The following DENND4B variants were observed in gnomAD, a reference collection of about 807,000 sequenced individuals.
The protein encoded by DENND4B is DENN domain containing 4B, also known as DENN domain-containing protein 4B.
In DENND4B, 67 loss-of-function variants were observed where a neutral mutation model predicts 161.0. That is an observed-to-expected ratio of 0.42 (90% CI 0.34 to 0.51). The LOEUF is 0.51. DENND4B is among the 20% of genes least tolerant of loss of function. DENND4B has a pLI of 0.08. For synonymous variants in DENND4B, 753 were observed against 813.8 expected (o/e 0.93, Z 1.27); for missense variants, 1,481 against 1,968.0 (o/e 0.75, Z 4.68).
chr1:153,934,296 T>G lies in DENND4B; in HGVS notation c.2780A>C (p.Tyr927Ser), dbSNP rs1195076253. ...QEAGSSQAEP[Y>S]LERPSPTRPL... ...GCGAGTAGGGGAAGGGCGCTCCAAA[T>G]AGGGCTCTGTAAAAGACGAGAAGGG... is the stretch of plus-strand genomic sequence containing the variant. Residue 927 changes from tyrosine to serine, a missense_variant, in exon 19 of 28, where the codon TAT becomes TCT. This residue lies in a region of DENND4B where 339 missense variants were observed against 330.3 expected (regional missense o/e 1.03). Transcript: ENST00000361217. The surrounding 1 kb of genome is among the most constrained non-coding windows in gnomAD (Gnocchi z 5.3). 6.3e-7 allele frequency: 1 copy of G among 1,584,848 alleles called. No homozygotes were observed.
rs1397198879 is a variant in DENND4B, at chr1:153,946,662, C to A, written c.-385G>T. ...CAACCCCCGCTCCGGGCCGCGGGCG[C>A]CGCCGCTACCCCCACCCCTCCTCCT... On this transcript the variant is annotated 5_prime_UTR_variant, in exon 1 of 28. Transcript: ENST00000361217. This position sits in a 1 kb window ranked among gnomAD's most constrained non-coding sequence, Gnocchi z 6.3. 7 of 380,160 alleles carry A rather than the reference C, an allele frequency of 1.8e-5. No individual in the cohort carries two copies. Among genetic ancestry groups the A allele is most frequent in the Non-Finnish European group, 2.8e-5 (6 of 214,568 alleles). The allele number at this position is 380,160 out of a possible 1,614,324, so 23.5% of individuals were successfully genotyped here. A position where few individuals can be genotyped will look rare whatever the true frequency, so the allele number is the denominator to read the frequency against.
chr1:153,931,173 C>G (rs1678901802), intron 24 of DENND4B, 109 bp from the exon 25 acceptor site: 2 of 837,408 alleles, frequency 2.4e-6, no homozygotes, highest in Non-Finnish European at 3.8e-6. Flanking sequence ...AGGACACAGC[C>G]AAAGAGAAGT....
chr1:153,935,920 G>T, intron 17 of DENND4B, 140 bp downstream of exon 17: 2 of 1,066,292 alleles, frequency 1.9e-6, no homozygotes, highest in African/African-American at 1.6e-5. Context: ...CACCACAGGA[G>T]TGCAATGTGG....
At position 153,933,011 on chromosome 1, in the gene DENND4B, G is replaced by A; in HGVS notation, c.3473C>T (p.Ser1158Phe). The A allele has an allele frequency of 1.1e-5, 17 of 1,613,890 alleles. No individual in the cohort carries two copies. The highest frequency in any genetic ancestry group is 1.4e-5 in the Non-Finnish European group (17 of 1,179,852). ...CAGCGAATCACAGGCACGGCACAGG[G>A]AGCAGCTGGACAGCAGAATCTGTGG... ...PSLEILLSSC[S>F]LCRACDSLVY... Residue 1158 changes from serine to phenylalanine, a missense_variant, in exon 22 of 28, where the codon TCC becomes TTC. Physicochemically the swap from Ser to Phe is radical, Grantham distance 155. Around this residue, in one of 3 missense-constraint regions of DENND4B, gnomAD observed 336 missense variants for 503.3 expected, o/e 0.67. Transcript: ENST00000361217. The surrounding 1 kb of genome is among the most constrained non-coding windows in gnomAD (Gnocchi z 5.7).
chr1:153,932,382 C>T lies in DENND4B; in HGVS notation c.3818G>A (p.Arg1273His), dbSNP rs367917095. The T allele has an allele frequency of 2.0e-4, 323 of 1,613,626 alleles. No homozygotes were observed. Among genetic ancestry groups the T allele is most frequent in the Non-Finnish European group, 2.6e-4 (309 of 1,179,790 alleles). The change falls in exon 24 of 28, where the codon CGT (arginine) becomes CAT (histidine). Residue 1273 changes from arginine to histidine, a missense_variant. Transcript: ENST00000361217. The surrounding 1 kb of genome is among the most constrained non-coding windows in gnomAD (Gnocchi z 5.8). Reference protein sequence around the residue: ...AWAYLSPLVLRKELESLVENE... With the variant: ...AWAYLSPLVLHKELESLVENE... ...CTCTACCAGCGACTCCAGCTCCTTA[C>T]GCAGCACCAGGGGGCTCAGGTATGC... is the stretch of plus-strand genomic sequence containing the variant.
At chr1:153,931,127 C>T (rs748401005) in intron 24 of DENND4B, 63 bp from the exon 25 acceptor site, 30 of 1,341,232 alleles carry the variant, frequency 2.2e-5, no homozygotes, top group African/African-American at 2.9e-5. Flanking sequence ...GGACAAGAAA[C>T]GGACAGGTGA....
At chr1:153,941,205 C>G (rs1185175982) in intron 8 of DENND4B, 26 bp downstream of exon 8, 7 of 1,612,714 alleles carry the variant, frequency 4.3e-6, no homozygotes, top group Non-Finnish European at 5.9e-6. Context: ...CATTAAAGCT[C>G]CCCTCCCCAC....
chr1:153,938,701 C>CA (rs1227022917), intron 13 of DENND4B, among the ~76,000 whole-genome samples, 199 bp downstream of exon 13: 1,805 of 105,922 alleles, frequency 0.017, 40 homozygotes, highest in African/African-American at 0.057. Context: ...GACTTCGTTT[C>CA]AAAAAAAAAA....
Position 153,937,857 on chromosome 1 carries a change from G to C in DENND4B, c.1972C>G (p.Pro658Ala), listed in dbSNP as rs751021092. ...GTCGGCTCAGGCTTCTCCTGCTCTG[G>C]GTGGACCTGGAGAAGGATTTTAAGA... ...FFDSCVEKVH[P>A]EQEKPEPTPL... The change falls in exon 14 of 28, where the codon CCA becomes GCA. Residue 658 changes from proline (P) to alanine (A), a missense_variant. Physicochemically the swap from Pro to Ala is conservative, Grantham distance 27 (BLOSUM62 -1). Transcript: ENST00000361217. This position sits in a 1 kb window ranked among gnomAD's most constrained non-coding sequence, Gnocchi z 4.7. 1 of 1,614,018 alleles carries C rather than the reference G, an allele frequency of 6.2e-7. No individual in the cohort carries two copies.
chr1:153,933,647 C>T lies in DENND4B; in HGVS notation c.3166G>A (p.Gly1056Arg). The T allele has an allele frequency of 6.4e-7, 1 of 1,567,250 alleles. No individual in the cohort carries two copies. Residue 1056 changes from glycine to arginine, a missense_variant, in exon 20 of 28, where the codon GGG becomes AGG. Gly to Arg is a moderately radical substitution (Grantham distance 125, BLOSUM62 -2). Around this residue, in one of 3 missense-constraint regions of DENND4B, gnomAD observed 339 missense variants for 330.3 expected, o/e 1.03. Transcript: ENST00000361217. This position sits in a 1 kb window ranked among gnomAD's most constrained non-coding sequence, Gnocchi z 5.7. ...AGCTGTTGGAGGCGGGCACCCAGCC[C>T]TCGTCGGGGGGTGCCTGCCTCATCC... ...RQDEAGTPRR[G>R]LGARLQQLLT... is the part of the protein sequence containing the mutation.
intron 6 of DENND4B, 91 bp downstream of exon 6, chr1:153,941,778 C>CGGGG: frequency 2.4e-5 from 14 of 581,486 alleles, no homozygotes; most frequent in Non-Finnish European, 4.0e-5. Flanking sequence ...GTGCCCAGCC[C>CGGGG]TCCCCCCACC....
rs945967330 is a variant in DENND4B, at chr1:153,937,283, C to T, written c.2232+205G>A. Among the ~76,000 whole-genome samples the T allele has an allele frequency of 3.9e-5, 6 of 152,112 alleles. No homozygotes were observed. Among genetic ancestry groups the T allele is most frequent in the Non-Finnish European group, 5.9e-5 (4 of 68,030 alleles). On this transcript the variant is annotated intron_variant, in intron 15 of 27. Transcript: ENST00000361217. The surrounding 1 kb of genome is among the most constrained non-coding windows in gnomAD (Gnocchi z 4.7). ...CTGGATTCCCAGAGTGCTCAGAAGA[C>T]GGAGGTGATGATGATGATGATAATG...
chr1:153,934,318 A>AGGGGTT lies in DENND4B; in HGVS notation c.2774-22_2774-17dup. On this transcript the variant is annotated splice_polypyrimidine_tract_variant and intron_variant, in intron 18 of 27. Coordinates refer to ENST00000361217, the MANE Select transcript of DENND4B (RefSeq NM_014856.3). The surrounding 1 kb of genome is among the most constrained non-coding windows in gnomAD (Gnocchi z 5.3). ...AAATAGGGCTCTGTAAAAGACGAGA[A>AGGGGTT]GGGGTTTAGAGGCGGCCAGCTAGGA... 1.3e-6 allele frequency: 2 copies of AGGGGTT among 1,562,298 alleles called. No individual in the cohort carries two copies. Among genetic ancestry groups the AGGGGTT allele is most frequent in the Non-Finnish European group, 1.7e-6 (2 of 1,159,102 alleles).
chr1:153,942,564 T>C lies in DENND4B; in HGVS notation c.632A>G (p.Tyr211Cys), dbSNP rs759449424. 8 of 1,596,796 alleles carry C rather than the reference T, an allele frequency of 5.0e-6. No individual in the cohort carries two copies. The highest frequency in any genetic ancestry group is 6.8e-6 in the Non-Finnish European group (8 of 1,171,512). ...VGLAKANTLV[Y>C]EAELLGRYPE... is the part of the protein sequence containing the mutation. ...ATAAAGGGGCCACTCACCTGCCTCG[T>C]ACACCAGCGTGTTGGCCTTCGCCAG... Residue 211 changes from tyrosine (Y) to cysteine (C), a missense_variant, in exon 4 of 28, where the codon TAC becomes TGC. Tyr to Cys is a radical substitution (Grantham distance 194). Transcript: ENST00000361217. This position sits in a 1 kb window ranked among gnomAD's most constrained non-coding sequence, Gnocchi z 6.9.
rs367558809 is a variant in DENND4B at position 153,939,050 on chromosome 1, G to C, written c.1820-5C>G. 1 of 1,611,618 alleles carries C rather than the reference G, an allele frequency of 6.2e-7. No individual in the cohort carries two copies. Among genetic ancestry groups the C allele is most frequent in the African/African-American group, 1.3e-5 (1 of 75,026 alleles). ...GTTCCCGGGATTTGAGGAAGCCTGA[G>C]GGGTATGAGAATGGGGCAGAGGAGG... On this transcript the variant is annotated splice_polypyrimidine_tract_variant and splice_region_variant and intron_variant, in intron 12 of 27. Transcript: ENST00000361217.
In DENND4B at chr1:153,934,427, GTGTTTGTT is replaced by G. The variant is rs369552715; in HGVS notation, c.2774-133_2774-126del. 26 of 1,317,320 alleles carry G rather than the reference GTGTTTGTT, an allele frequency of 2.0e-5. No individual in the cohort carries two copies. Among genetic ancestry groups the G allele is most frequent in the East Asian group, 1.5e-4 (6 of 39,342 alleles). 81.6% of individuals were successfully genotyped at this position (1,317,320 alleles called of 1,614,324 possible). The stretch of plus-strand genomic sequence containing the variant: ...TCCCAGGCAAAACTTTATCCGTTTT[GTGTTTGTT>G]TGTTTGTTTGTTTTGTTTTGTTTTT... On this transcript the variant is annotated intron_variant, in intron 18 of 27. Transcript: ENST00000361217. The surrounding 1 kb of genome is among the most constrained non-coding windows in gnomAD (Gnocchi z 5.3).
At chr1:153,945,913 C>G (rs1313728544) in intron 1 of DENND4B, among the ~76,000 whole-genome samples, 2 of 152,244 alleles carry the variant, frequency 1.3e-5, no homozygotes, top group Non-Finnish European at 2.9e-5. Flanking sequence ...CCCACGCCCG[C>G]GTGCCGGGTG....
In DENND4B at chr1:153,944,401, G is replaced by A. The variant is rs771238956; in HGVS notation, c.-23-4C>T. Reference sequence around the variant, plus strand: ...GCCCCCCCCTCACTCACTGCATCTGGAATGGTCAAGTGGGAGAGAGATGAA... The same window carrying A: ...GCCCCCCCCTCACTCACTGCATCTGAAATGGTCAAGTGGGAGAGAGATGAA... On this transcript the variant is annotated splice_polypyrimidine_tract_variant and splice_region_variant and intron_variant, in intron 1 of 27. Coordinates refer to ENST00000361217, the MANE Select transcript of DENND4B (RefSeq NM_014856.3). This position sits in a 1 kb window ranked among gnomAD's most constrained non-coding sequence, Gnocchi z 4.8. 31 of 1,583,918 alleles carry A rather than the reference G, an allele frequency of 2.0e-5. No homozygotes were observed. The highest frequency in any genetic ancestry group is 2.5e-5 in the Non-Finnish European group (29 of 1,165,926).
At chr1:153,943,692 A>AAAAAAAG (rs1679803091) in intron 2 of DENND4B, among the ~76,000 whole-genome samples, 1 of 151,664 alleles carries the variant, frequency 6.6e-6, no homozygotes. Flanking sequence ...AAAAAAAAAA[A>AAAAAAAG]AAAAAAAAAT....
Sources: gnomAD v4.1 joint callset for allele counts (sites outside exome capture counted in the v4.1 genomes callset) on GRCh38, gnomAD v4.1.1 for gene constraint, gnomAD v4.1.1 regional missense constraint, Gnocchi (gnomAD v3.1) non-coding constraint, MANE v1.5 for transcripts, NCBI Gene and HGNC (gene_info 2026-07-23, HGNC 2026-07-21) for gene names.